The following SYT14 variants were observed in gnomAD, a reference collection of about 807,000 sequenced individuals.
SYT14 encodes the protein synaptotagmin-14.
A neutral mutation model predicts 74.2 loss-of-function variants in SYT14; 32 were observed. The observed-to-expected ratio is 0.43, with a 90% CI of 0.33 to 0.58. The LOEUF (loss-of-function observed/expected upper bound fraction) is 0.58. SYT14 is among the 20% of genes least tolerant of loss of function. The pLI is 0.05. For missense variants in SYT14, 791 were observed against 981.8 expected, an observed-to-expected ratio of 0.81 and a Z score of 2.60; for synonymous variants, 298 against 337.7, an observed-to-expected ratio of 0.88 and a Z score of 1.29.
chr1:210,134,279 T>A lies in SYT14; in HGVS notation c.2035-21442T>A, dbSNP rs188756124. 7.9e-3 allele frequency among the ~76,000 whole-genome samples: 1,196 copies of A among 151,832 alleles called. 7 individuals are homozygous for A. The highest frequency in any genetic ancestry group is 1.0e-2 in the Non-Finnish European group (679 of 67,910). ...CACCACACCTGGCTAATTTTTAAAA[T>A]TTTTTTTGTAGAGACAGGAGTCTCA... On this transcript the variant is annotated intron_variant, in intron 7 of 9. Transcript: ENST00000637265.
chr1:210,085,589 A>G (rs1381286767), intron 5 of SYT14, among the ~76,000 whole-genome samples: 1 of 152,218 alleles, frequency 6.6e-6, no homozygotes, highest in Non-Finnish European at 1.5e-5. Flanking sequence ...ATGGATAATG[A>G]ATTTTATCAA....
intron 1 of SYT14, among the ~76,000 whole-genome samples, chr1:209,941,259 A>G (rs1240136698): frequency 6.6e-6 from 1 of 152,256 alleles, no homozygotes; most frequent in African/African-American, 2.4e-5. Flanking sequence ...AGAGACAAAT[A>G]TAAGATGATA....
intron 7 of SYT14, among the ~76,000 whole-genome samples, chr1:210,144,634 A>T (rs1286602687): frequency 6.6e-6 from 1 of 152,090 alleles, no homozygotes; most frequent in Non-Finnish European, 1.5e-5. Context: ...CCAATAGTCT[A>T]TGGATAATTA....
chr1:210,123,669 T>C (rs2082511467), intron 7 of SYT14, among the ~76,000 whole-genome samples: 1 of 152,180 alleles, frequency 6.6e-6, no homozygotes, highest in Admixed American at 6.5e-5. Flanking sequence ...TCTAATCATG[T>C]TTATGCCTGT....
chr1:210,137,580 AT>A (rs995334208), intron 7 of SYT14, among the ~76,000 whole-genome samples: 134 of 143,284 alleles, frequency 9.4e-4, no homozygotes, highest in Middle Eastern at 7.2e-3. Flanking sequence ...TCCAGGCCTT[AT>A]TTTTTTTTTT....
chr1:209,944,672 A>C (rs545252678), intron 1 of SYT14, among the ~76,000 whole-genome samples: 1 of 152,178 alleles, frequency 6.6e-6, no homozygotes, highest in Non-Finnish European at 1.5e-5. Context: ...CAGTAATTGC[A>C]TAGCAACAGC....
At chr1:209,957,066 T>C (rs2079004728) in intron 2 of SYT14, among the ~76,000 whole-genome samples, 1 of 152,136 alleles carries the variant, frequency 6.6e-6, no homozygotes, top group African/African-American at 2.4e-5. Context: ...TGCTTGAAAC[T>C]AACTTATGCT....
chr1:210,127,895 C>T (rs370393445), intron 7 of SYT14, among the ~76,000 whole-genome samples: 10 of 152,048 alleles, frequency 6.6e-5, no homozygotes, highest in East Asian at 5.8e-4. Flanking sequence ...GGCATGGGGG[C>T]GGGCGCCTGT....
chr1:210,134,617 A>T (rs2082743679), intron 7 of SYT14, among the ~76,000 whole-genome samples: 1 of 152,028 alleles, frequency 6.6e-6, no homozygotes. Context: ...AAAGCTTCAT[A>T]CTTTTGTCCT....
intron 7 of SYT14, among the ~76,000 whole-genome samples, chr1:210,128,670 T>A (rs79181747): frequency 6.6e-6 from 1 of 152,212 alleles, no homozygotes; most frequent in Non-Finnish European, 1.5e-5. Context: ...CTGAGTAAGC[T>A]CTACCAATCA....
intron 5 of SYT14, among the ~76,000 whole-genome samples, chr1:210,043,261 C>T (rs891665089): frequency 2.6e-5 from 4 of 152,006 alleles, no homozygotes; most frequent in Admixed American, 2.0e-4. Flanking sequence ...GAAATGATAC[C>T]TTTCCATTAA....
intron 7 of SYT14, among the ~76,000 whole-genome samples, chr1:210,132,476 C>T (rs11119413): frequency 0.43 from 65,648 of 151,502 alleles, 16,690 homozygotes; most frequent in Non-Finnish European, 0.57. Context: ...GTTTATTGTA[C>T]AGATTATTTC....
chr1:210,029,238 G>T (rs2080477373), intron 5 of SYT14, among the ~76,000 whole-genome samples: 1 of 150,414 alleles, frequency 6.6e-6, no homozygotes, highest in South Asian at 2.1e-4. Context: ...TTACTCTATT[G>T]ATAGTATCTT....
At chr1:210,049,750 G>A (rs950736753) in intron 5 of SYT14, among the ~76,000 whole-genome samples, 9 of 152,158 alleles carry the variant, frequency 5.9e-5, no homozygotes, top group Non-Finnish European at 1.2e-4. Context: ...TCAACACCAC[G>A]TGGAAGCTGC....
At chr1:210,135,558 C>G (rs1217194794) in intron 7 of SYT14, among the ~76,000 whole-genome samples, 1 of 152,184 alleles carries the variant, frequency 6.6e-6, no homozygotes, top group Non-Finnish European at 1.5e-5. Context: ...ATTCTATCAT[C>G]TGTTTAGTTT....
In SYT14 at chr1:210,111,790, A is replaced by G. The variant is rs1006685311; in HGVS notation, c.2034+11329A>G. ...TATTAAAGGACTAAGAATTGGGAGG[A>G]CCCAGGACATCCAATTAGAGAGTGC... On this transcript the variant is annotated intron_variant, in intron 7 of 9. Coordinates refer to ENST00000637265, the Ensembl canonical transcript of SYT14. Among the ~76,000 whole-genome samples, 20 of 151,324 alleles carry G rather than the reference A, an allele frequency of 1.3e-4. 2 individuals carry two copies. Among genetic ancestry groups the G allele is most frequent in the African/African-American group, 4.7e-4 (19 of 40,626 alleles).
chr1:210,153,248 G>A (rs2083203270), intron 7 of SYT14, among the ~76,000 whole-genome samples: 1 of 152,036 alleles, frequency 6.6e-6, no homozygotes. Context: ...ACCACATTTG[G>A]TATTCTTTTA....
intron 2 of SYT14, among the ~76,000 whole-genome samples, chr1:209,985,671 A>T (rs2079558687): frequency 6.6e-6 from 1 of 152,260 alleles, no homozygotes; most frequent in African/African-American, 2.4e-5. Context: ...CTGCTCTAGT[A>T]GAGGTTTTCT....
At chr1:209,959,130 C>A (rs1238537360) in intron 2 of SYT14, among the ~76,000 whole-genome samples, 1 of 152,022 alleles carries the variant, frequency 6.6e-6, no homozygotes, top group Non-Finnish European at 1.5e-5. Context: ...CAAGATTATT[C>A]TTTTTTTAAA....
Sources: allele counts gnomAD v4.1 joint callset (sites outside exome capture counted in the v4.1 genomes callset), GRCh38; gene constraint gnomAD v4.1.1; transcripts MANE v1.5; gene names NCBI Gene and HGNC (gene_info 2026-07-23, HGNC 2026-07-21).